FCHSD2: variants seen among roughly 807,000 people sequenced by gnomAD.
FCHSD2 encodes F-BAR and double SH3 domains protein 2.
Under a neutral mutation model 108.1 loss-of-function variants are expected in FCHSD2, and 38 were observed. That is an observed-to-expected ratio of 0.35 (90% confidence interval 0.27 to 0.46). The LOEUF is 0.46. Among genes scored for constraint, FCHSD2 ranks in the 20% least tolerant of loss-of-function variants. The pLI is 1.00. For missense variants in FCHSD2, 751 were observed against 897.8 expected, an observed-to-expected ratio of 0.84 and a Z score of 2.09; for synonymous variants, 279 against 314.7, an observed-to-expected ratio of 0.89 and a Z score of 1.20.
chr11:73,140,101 T>C lies in FCHSD2; in HGVS notation c.49A>G (p.Ile17Val). 1 of 1,545,410 alleles carries C rather than the reference T, an allele frequency of 6.5e-7. No individual in the cohort carries two copies. Among genetic ancestry groups the C allele is most frequent in the Non-Finnish European group, 8.7e-7 (1 of 1,143,736 alleles). Reference sequence around the variant, plus strand: ...AGTTTTGTCATCTGCTCAACTTGAATGTTTTTCAGTTCTTGTGTAACTTTC... The same window carrying C: ...AGTTTTGTCATCTGCTCAACTTGAACGTTTTTCAGTTCTTGTGTAACTTTC... ...KVKVTQELKNIQVEQMTKLQA... is the reference protein window; with the variant it reads ...KVKVTQELKNVQVEQMTKLQA... The change falls in exon 2 of 20, where the codon ATT (isoleucine) becomes GTT (valine). Residue 17 changes from isoleucine (I) to valine (V), a missense_variant. By Grantham distance (29) the Ile-to-Val change is conservative. Transcript: ENST00000409418.
intron 12 of FCHSD2, chr11:72,869,535 T>A (rs1351547957): frequency 1.3e-5 from 2 of 151,996 alleles, no homozygotes; most frequent in Non-Finnish European, 2.9e-5. Context: ...GCTTTTTTTT[T>A]TTTTTAATAA....
At chr11:72,944,624 A>G (rs1856483825) in intron 8 of FCHSD2, among the ~76,000 whole-genome samples, 3 of 152,202 alleles carry the variant, frequency 2.0e-5, no homozygotes, top group Admixed American at 1.3e-4. Context: ...CTGTTTGTAG[A>G]TGACATGATT....
chr11:72,988,479 G>A (rs1857351579), intron 6 of FCHSD2, among the ~76,000 whole-genome samples: 1 of 152,056 alleles, frequency 6.6e-6, no homozygotes, highest in Non-Finnish European at 1.5e-5. Context: ...AGATTTTTGT[G>A]TAAAAGAAAA....
intron 8 of FCHSD2, among the ~76,000 whole-genome samples, chr11:72,948,749 T>C (rs944051213): frequency 4.5e-4 from 68 of 151,724 alleles, no homozygotes; most frequent in Non-Finnish European, 8.4e-4. Flanking sequence ...CACTGCAAGC[T>C]CCATCTCCCA....
chr11:73,118,921 C>A (rs1264301289), intron 2 of FCHSD2, among the ~76,000 whole-genome samples: 1 of 152,182 alleles, frequency 6.6e-6, no homozygotes, highest in Non-Finnish European at 1.5e-5. Context: ...TACTACACAA[C>A]ATGTATGATA....
intron 4 of FCHSD2, among the ~76,000 whole-genome samples, chr11:73,007,971 T>C (rs1415532711): frequency 4.6e-5 from 7 of 152,134 alleles, no homozygotes; most frequent in Non-Finnish European, 8.8e-5. Context: ...GTTTAAGATA[T>C]AACAAACAAA....
At chr11:73,124,218 C>G (rs1186293961) in intron 2 of FCHSD2, among the ~76,000 whole-genome samples, 1 of 152,108 alleles carries the variant, frequency 6.6e-6, no homozygotes, top group Admixed American at 6.6e-5. Flanking sequence ...AATGAGAACA[C>G]CTGGACACAG....
intron 3 of FCHSD2, among the ~76,000 whole-genome samples, chr11:73,039,732 G>A (rs900808254): frequency 2.0e-5 from 3 of 152,166 alleles, no homozygotes; most frequent in Non-Finnish European, 4.4e-5. Flanking sequence ...AACGAATGAT[G>A]CAGGACTTGT....
At chr11:73,129,082 A>T (rs747810192) in intron 2 of FCHSD2, among the ~76,000 whole-genome samples, 1 of 151,842 alleles carries the variant, frequency 6.6e-6, no homozygotes, top group East Asian at 1.9e-4. Context: ...CATGTTAGCC[A>T]GGATGGTCTC....
intron 8 of FCHSD2, among the ~76,000 whole-genome samples, chr11:72,983,322 G>C (rs999685349): frequency 1.3e-5 from 2 of 151,548 alleles, no homozygotes; most frequent in Non-Finnish European, 2.9e-5. Context: ...ATAAAAGAAA[G>C]GTGCCAGGCA....
chr11:72,992,970 C>A (rs1857446855), intron 5 of FCHSD2, among the ~76,000 whole-genome samples: 1 of 152,122 alleles, frequency 6.6e-6, no homozygotes, highest in South Asian at 2.1e-4. Context: ...AGTGAACAGG[C>A]AACCTACAGA....
At chr11:73,037,866 A>G (rs937656607) in intron 3 of FCHSD2, among the ~76,000 whole-genome samples, 1 of 152,230 alleles carries the variant, frequency 6.6e-6, no homozygotes, top group Non-Finnish European at 1.5e-5. Flanking sequence ...GGAAAAGAAG[A>G]AGGCAGTTCT....
chr11:73,100,048 T>G lies in FCHSD2; in HGVS notation c.120-16308A>C, dbSNP rs770515041. ...CTTCCCTGACGCACCCCGGAAGGCGTGTTCTTGGCTTGACACTTCTCAGCC... is the reference window on the plus strand; with the variant it reads ...CTTCCCTGACGCACCCCGGAAGGCGGGTTCTTGGCTTGACACTTCTCAGCC... On this transcript the variant is annotated intron_variant, in intron 2 of 19. Transcript: ENST00000409418. Among the ~76,000 whole-genome samples, 63 of 152,234 alleles carry G rather than the reference T, an allele frequency of 4.1e-4. No homozygotes were observed. The Middle Eastern group carries it at 0.027, about 66-fold the overall frequency.
chr11:72,888,596 A>C (rs189021683), intron 11 of FCHSD2, among the ~76,000 whole-genome samples: 1 of 152,038 alleles, frequency 6.6e-6, no homozygotes, highest in African/African-American at 2.4e-5. Context: ...TTAGTCTTCG[A>C]GATATATTTT....
intron 2 of FCHSD2, among the ~76,000 whole-genome samples, chr11:73,136,873 T>C (rs900923155): frequency 1.3e-5 from 2 of 151,856 alleles, no homozygotes; most frequent in African/African-American, 2.4e-5. Context: ...CTACTAACAA[T>C]ACAAAAAAAT....
At chr11:73,122,246 GA>G (rs1292687739) in intron 2 of FCHSD2, among the ~76,000 whole-genome samples, 12 of 151,012 alleles carry the variant, frequency 7.9e-5, no homozygotes, top group Admixed American at 7.9e-4. Context: ...TTTCATCAAA[GA>G]AAAATAATGA....
intron 6 of FCHSD2, among the ~76,000 whole-genome samples, chr11:72,985,580 A>T (rs1434391050): frequency 6.6e-6 from 1 of 152,150 alleles, no homozygotes; most frequent in Non-Finnish European, 1.5e-5. Context: ...AGGCTCTATG[A>T]AGTCCTTACT....
rs115721591 is a variant in FCHSD2 at position 73,018,771 on chromosome 11, G to A, written c.166-2886C>T. 8.0e-3 allele frequency among the ~76,000 whole-genome samples: 1,210 copies of A among 152,142 alleles called. 21 individuals are homozygous for A. Among genetic ancestry groups the A allele is most frequent in the African/African-American group, 0.027 (1,134 of 41,506 alleles). ...TATCAGATTTCTGAGATTATGACCA[G>A]GTGGCTTTAATATAATAAATTCCTT... On this transcript the variant is annotated intron_variant, in intron 3 of 19. Coordinates refer to ENST00000409418, the MANE Select transcript of FCHSD2 (RefSeq NM_014824.3).
rs1349371665 is a variant in FCHSD2, at chr11:73,015,944, T to C, written c.166-59A>G. On this transcript the variant is annotated intron_variant, in intron 3 of 19. Coordinates refer to ENST00000409418, the MANE Select transcript of FCHSD2 (RefSeq NM_014824.3). ...TATTATGCCATAAAGGAAGCTCTTT[T>C]CCTTAAAATACATGACTTAGAAAAT... 3.3e-6 allele frequency: 3 copies of C among 912,096 alleles called. No homozygotes were observed. In the African/African-American group the frequency reaches 5.2e-5, roughly 16 times the overall value. The allele number at this position is 912,096 out of a possible 1,614,324, so 56.5% of individuals were successfully genotyped here. A position where few individuals can be genotyped will look rare whatever the true frequency, so the allele number is the denominator to read the frequency against.
Sources: allele counts gnomAD v4.1 joint callset (sites outside exome capture counted in the v4.1 genomes callset), GRCh38; gene constraint gnomAD v4.1.1; transcripts MANE v1.5; gene names NCBI Gene and HGNC (gene_info 2026-07-23, HGNC 2026-07-21).